The following TMTC2 variants were observed in gnomAD, a reference collection of about 807,000 sequenced individuals.
TMTC2 encodes the protein transmembrane O-mannosyltransferase targeting cadherins 2, also known as protein O-mannosyl-transferase TMTC2.
Under a neutral mutation model 82.4 loss-of-function variants are expected in TMTC2, and 43 were observed. That is an observed-to-expected ratio of 0.52 (90% CI 0.41 to 0.67). The LOEUF (loss-of-function observed/expected upper bound fraction) is 0.67, where lower values mean the gene tolerates loss of function less well. Among genes scored for constraint, TMTC2 ranks in the 30% least tolerant of loss-of-function variants. The probability of loss-of-function intolerance (pLI) is 0.00; values close to 1 mark genes in which losing one functional copy is unlikely to be tolerated. For synonymous variants in TMTC2, 408 were observed against 381.9 expected (o/e 1.07, Z -0.80); for missense variants, 919 against 1,012.4 (o/e 0.91, Z 1.25).
chr12:82,932,323 G>T (rs1592636875), intron 4 of TMTC2, among the ~76,000 whole-genome samples: 6 of 152,086 alleles, frequency 3.9e-5, no homozygotes, highest in Admixed American at 3.9e-4. Context: ...TATGTTTTGT[G>T]TCGGCTTTCA....
At chr12:82,804,059 G>T (rs1879134871) in intron 1 of TMTC2, among the ~76,000 whole-genome samples, 1 of 152,050 alleles carries the variant, frequency 6.6e-6, no homozygotes, top group African/African-American at 2.4e-5. Flanking sequence ...CAAGTTCAGG[G>T]ACATGAATGC....
chr12:83,077,964 C>A (rs548799181), intron 11 of TMTC2, among the ~76,000 whole-genome samples: 1 of 150,232 alleles, frequency 6.7e-6, no homozygotes, highest in South Asian at 2.1e-4. Context: ...TTTTTCCTCC[C>A]CCCCACAATA....
intron 11 of TMTC2, among the ~76,000 whole-genome samples, chr12:83,067,327 T>A (rs545806211): frequency 1.3e-5 from 2 of 152,100 alleles, no homozygotes; most frequent in South Asian, 4.2e-4. Context: ...GAAATAAATA[T>A]TTGAATTTAT....
rs143798476 is a variant in TMTC2 at position 82,797,011 on chromosome 12, A to G, written c.84-59999A>G. On this transcript the variant is annotated intron_variant, in intron 1 of 11. Transcript: ENST00000321196. ...TATTTAAGATATGTTTGTATAATAT[A>G]AGACTAAATGTTGGTTCCTGCTGTG... is the stretch of plus-strand genomic sequence containing the variant. 2.4e-3 allele frequency among the ~76,000 whole-genome samples: 364 copies of G among 152,316 alleles called. 2 individuals carry two copies. The highest frequency in any genetic ancestry group is 7.6e-3 in the African/African-American group (316 of 41,586).
At chr12:82,765,753 A>G (rs1027822836) in intron 1 of TMTC2, among the ~76,000 whole-genome samples, 6 of 152,196 alleles carry the variant, frequency 3.9e-5, no homozygotes, top group African/African-American at 1.4e-4. Flanking sequence ...TTGCTATCAT[A>G]TTCATCATTC....
At chr12:82,937,964 G>C (rs1368259803) in intron 4 of TMTC2, among the ~76,000 whole-genome samples, 6 of 147,720 alleles carry the variant, frequency 4.1e-5, no homozygotes, top group Middle Eastern at 3.2e-3. Context: ...GCCCAGGGTG[G>C]AGTGCAGTGG....
chr12:82,863,541 A>C (rs1471213787), intron 2 of TMTC2, among the ~76,000 whole-genome samples: 1 of 152,212 alleles, frequency 6.6e-6, no homozygotes, highest in Non-Finnish European at 1.5e-5. Context: ...TTACGATTCA[A>C]AAAGTCAAAG....
At chr12:82,873,787 T>C (rs1044895818) in intron 2 of TMTC2, among the ~76,000 whole-genome samples, 1 of 152,342 alleles carries the variant, frequency 6.6e-6, no homozygotes, top group Admixed American at 6.5e-5. Context: ...ACTGTAAAAT[T>C]TGGGGTAAAC....
At chr12:82,823,632 A>G (rs1322632884) in intron 1 of TMTC2, among the ~76,000 whole-genome samples, 1 of 152,242 alleles carries the variant, frequency 6.6e-6, no homozygotes, top group African/African-American at 2.4e-5. Context: ...CAGTTAGGGA[A>G]TATAAAATTA....
At chr12:82,981,944 G>A (rs974697116) in intron 7 of TMTC2, among the ~76,000 whole-genome samples, 1 of 150,452 alleles carries the variant, frequency 6.6e-6, no homozygotes, top group Non-Finnish European at 1.5e-5. Context: ...TAGTATTTGT[G>A]TAGAATGGTA....
At chr12:82,848,808 T>G (rs1870820302) in intron 1 of TMTC2, among the ~76,000 whole-genome samples, 1 of 152,098 alleles carries the variant, frequency 6.6e-6, no homozygotes, top group South Asian at 2.1e-4. Flanking sequence ...GTGTCAATAC[T>G]CAAAGTCAAA....
intron 7 of TMTC2, among the ~76,000 whole-genome samples, chr12:82,977,798 A>G (rs921491628): frequency 2.6e-5 from 4 of 151,834 alleles, no homozygotes; most frequent in Admixed American, 6.6e-5. Flanking sequence ...ATACAATGAT[A>G]ATTGCAGAAG....
chr12:82,946,929 A>G (rs539471617), intron 4 of TMTC2, among the ~76,000 whole-genome samples: 1 of 152,006 alleles, frequency 6.6e-6, no homozygotes, highest in Admixed American at 6.5e-5. Flanking sequence ...TTTTTAGTAA[A>G]GACGGGGTTT....
At chr12:83,090,628 A>G (rs57910634) in intron 11 of TMTC2, among the ~76,000 whole-genome samples, 8,369 of 152,150 alleles carry the variant, frequency 0.055, 343 homozygotes, top group East Asian at 0.22. Context: ...TCATTTCTCA[A>G]ATCTGTCTTC....
intron 1 of TMTC2, among the ~76,000 whole-genome samples, chr12:82,731,327 G>C (rs1050914933): frequency 7.9e-5 from 12 of 152,174 alleles, no homozygotes; most frequent in African/African-American, 2.9e-4. Flanking sequence ...AGAGTGTCTG[G>C]CCCTGTGGTT....
chr12:82,963,812 T>C lies in TMTC2; in HGVS notation c.1599-1212T>C, dbSNP rs1355228155. Among the ~76,000 whole-genome samples the C allele has an allele frequency of 4.3e-3, 332 of 76,454 alleles. 30 individuals are homozygous for C. Among genetic ancestry groups the C allele is most frequent in the African/African-American group, 0.014 (187 of 13,502 alleles). 50.2% of individuals were successfully genotyped at this position (76,454 alleles called of 152,430 possible). ...ATTTTCATATATATATATATATATA[T>C]ATATATATATATATATATATATATA... On this transcript the variant is annotated intron_variant, in intron 4 of 11. Transcript: ENST00000321196.
At chr12:83,103,181 G>A (rs1248047702) in intron 11 of TMTC2, among the ~76,000 whole-genome samples, 1 of 152,200 alleles carries the variant, frequency 6.6e-6, no homozygotes. Flanking sequence ...ATATCCTGAG[G>A]ATAGAGTCCA....
Position 83,132,462 on chromosome 12 carries a change from T to A in TMTC2, c.*73T>A, listed in dbSNP as rs138291207. On this transcript the variant is annotated 3_prime_UTR_variant, in exon 12 of 12. Coordinates refer to ENST00000321196, the MANE Select transcript of TMTC2 (RefSeq NM_152588.3). ...CTTAGCAGACAGAACTTCCCAGCAG[T>A]GCTATGACAAGAGCTGGTGTTAGAC... The A allele has an allele frequency of 6.5e-7, 1 of 1,538,386 alleles. No individual in the cohort carries two copies. The highest frequency in any genetic ancestry group is 8.9e-7 in the Non-Finnish European group (1 of 1,129,014).
chr12:83,092,067 G>A (rs1490495997), intron 11 of TMTC2, among the ~76,000 whole-genome samples: 3 of 152,210 alleles, frequency 2.0e-5, no homozygotes, highest in African/African-American at 7.2e-5. Context: ...TCAGGGGAAG[G>A]GAGAAATGGA....
Sources: gnomAD v4.1 joint callset for allele counts (sites outside exome capture counted in the v4.1 genomes callset) on GRCh38, gnomAD v4.1.1 for gene constraint, MANE v1.5 for transcripts, NCBI Gene and HGNC (gene_info 2026-07-23, HGNC 2026-07-21) for gene names.